Variants in AGAP1 observed in about 807,000 individuals in gnomAD.
The protein encoded by AGAP1 is ArfGAP with GTPase domain, ankyrin repeat and PH domain 1, also known as arf-GAP with GTPase, ANK repeat and PH domain-containing protein 1.
Under a neutral mutation model 105.3 loss-of-function variants are expected in AGAP1, and 29 were observed. That is an observed-to-expected ratio of 0.28 (90% CI 0.21 to 0.38). AGAP1 has a LOEUF of 0.38. Ranked by LOEUF, AGAP1 falls within the 10% of genes least tolerant of loss-of-function variation. AGAP1 has a pLI of 1.00. For synonymous variants in AGAP1, 509 were observed against 485.9 expected, an observed-to-expected ratio of 1.05 and a Z score of -0.63; for missense variants, 998 against 1,165.1, an observed-to-expected ratio of 0.86 and a Z score of 2.09.
chr2:235,711,633 C>A (rs535407061), intron 2 of AGAP1, among the ~76,000 whole-genome samples: 2 of 152,294 alleles, frequency 1.3e-5, no homozygotes, highest in East Asian at 3.9e-4. Flanking sequence ...GGCAGGCCCA[C>A]CAGCTCTGCT....
intron 1 of AGAP1, among the ~76,000 whole-genome samples, chr2:235,650,199 A>G (rs560913326): frequency 6.6e-6 from 1 of 152,262 alleles, no homozygotes; most frequent in East Asian, 1.9e-4. Flanking sequence ...CGTCTCTACT[A>G]AAAATACAAA....
chr2:235,857,890 G>T (rs1286527520), intron 9 of AGAP1, among the ~76,000 whole-genome samples: 1 of 152,224 alleles, frequency 6.6e-6, no homozygotes, highest in Admixed American at 6.5e-5. Context: ...CCTGTGCCAT[G>T]TTTTTTGCCA....
rs187973573 is a variant in AGAP1, at chr2:235,556,654, A to G, written c.163+61805A>G. Among the ~76,000 whole-genome samples, 56 of 152,370 alleles carry G rather than the reference A, an allele frequency of 3.7e-4. No homozygotes were observed. The highest frequency in any genetic ancestry group is 1.3e-3 in the African/African-American group (54 of 41,596). ...TCTCTCCCCTATGTGCAAGTAAATA[A>G]CATGCTACTATATGTAAATTAACAC... On this transcript the variant is annotated intron_variant, in intron 1 of 17. Transcript: ENST00000304032. The surrounding 1 kb of genome is among the most constrained non-coding windows in gnomAD (Gnocchi z 5.3).
At chr2:235,748,055 TAAAC>T (rs966227006) in intron 5 of AGAP1, among the ~76,000 whole-genome samples, 2 of 152,274 alleles carry the variant, frequency 1.3e-5, no homozygotes, top group African/African-American at 4.8e-5. Context: ...TAATGTTTGT[TAAAC>T]AAGTTCTGTT....
intron 1 of AGAP1, among the ~76,000 whole-genome samples, chr2:235,654,954 T>A (rs1394985703): frequency 6.6e-6 from 1 of 152,222 alleles, no homozygotes; most frequent in Non-Finnish European, 1.5e-5. Context: ...TGATTTGCAT[T>A]CATATCAGAA....
At chr2:235,917,489 C>T (rs776948667) in intron 11 of AGAP1, among the ~76,000 whole-genome samples, 20 of 152,024 alleles carry the variant, frequency 1.3e-4, no homozygotes, top group Non-Finnish European at 2.5e-4. Flanking sequence ...TCCCTCTCTC[C>T]CTCTCTTTTT....
At position 236,005,286 on chromosome 2, in the gene AGAP1, C is replaced by T. The variant is rs1210940351; in HGVS notation, c.1646-31275C>T. Among the ~76,000 whole-genome samples, 2 of 152,098 alleles carry T rather than the reference C, an allele frequency of 1.3e-5. No homozygotes were observed. The highest frequency in any genetic ancestry group is 2.4e-5 in the African/African-American group (1 of 41,408). On this transcript the variant is annotated intron_variant, in intron 13 of 17. Coordinates refer to ENST00000304032, the MANE Select transcript of AGAP1 (RefSeq NM_001037131.3). This position sits in a 1 kb window ranked among gnomAD's most constrained non-coding sequence, Gnocchi z 4.1. The stretch of plus-strand genomic sequence containing the variant: ...TCAGCCTCCCAAATAGCTGGGACTA[C>T]AGGAGTGTGCCACCGGCTAATTTTT...
chr2:235,973,726 A>G lies in AGAP1; in HGVS notation c.1645+5103A>G, dbSNP rs2054747371. 6.6e-6 allele frequency among the ~76,000 whole-genome samples: 1 copy of G among 152,142 alleles called. No individual in the cohort carries two copies. The highest frequency in any genetic ancestry group is 1.5e-5 in the Non-Finnish European group (1 of 68,022). On this transcript the variant is annotated intron_variant, in intron 13 of 17. Coordinates refer to ENST00000304032, the MANE Select transcript of AGAP1 (RefSeq NM_001037131.3). The surrounding 1 kb of genome is among the most constrained non-coding windows in gnomAD (Gnocchi z 4.7). ...AGGTGGATTTTGATTCTGATATTAA[A>G]AGCTCTAGAAAAAGCTCTACGAACC...
rs3768966 is a variant in AGAP1, at chr2:235,719,626, C to T, written c.310+1982C>T. Among the ~76,000 whole-genome samples the T allele has an allele frequency of 4.3e-3, 654 of 152,298 alleles. 6 individuals carry two copies. Among genetic ancestry groups the T allele is most frequent in the African/African-American group, 0.015 (616 of 41,566 alleles). ...TAAGAGTAGGAGCGTGGGTGAGTAC[C>T]TTCCTTTCTTCATCTGCAAAGTGGA... On this transcript the variant is annotated intron_variant, in intron 3 of 17. Transcript: ENST00000304032. The surrounding 1 kb of genome is among the most constrained non-coding windows in gnomAD (Gnocchi z 4.9).
At position 235,599,701 on chromosome 2, in the gene AGAP1, C is replaced by T. The variant is rs550576449; in HGVS notation, c.163+104852C>T. 2.0e-5 allele frequency among the ~76,000 whole-genome samples: 3 copies of T among 152,236 alleles called. No homozygotes were observed. Among genetic ancestry groups the T allele is most frequent in the Non-Finnish European group, 4.4e-5 (3 of 68,012 alleles). On this transcript the variant is annotated intron_variant, in intron 1 of 17. Coordinates refer to ENST00000304032, the MANE Select transcript of AGAP1 (RefSeq NM_001037131.3). The surrounding 1 kb of genome is among the most constrained non-coding windows in gnomAD (Gnocchi z 5.3). ...GCAGTCCACTTGCCCAGCGTCACTT[C>T]CTCCAGTGCCCTTTCTGGGTCCCAC...
chr2:236,084,924 G>C (rs1023104559), intron 16 of AGAP1, among the ~76,000 whole-genome samples: 3 of 147,454 alleles, frequency 2.0e-5, no homozygotes, highest in Non-Finnish European at 3.0e-5. Context: ...AATAAAATAA[G>C]ATTTTTTAGG....
chr2:236,031,077 G>A (rs967729742), intron 13 of AGAP1, among the ~76,000 whole-genome samples: 1 of 152,150 alleles, frequency 6.6e-6, no homozygotes, highest in Admixed American at 6.5e-5. Context: ...TTTGATATGA[G>A]GACAAAGTTT....
At chr2:235,708,087 C>CGGT (rs10677142) in intron 1 of AGAP1, among the ~76,000 whole-genome samples, 11,600 of 152,250 alleles carry the variant, frequency 0.076, 1,438 homozygotes, top group African/African-American at 0.26. Context: ...TGCATCCATG[C>CGGT]GGTCCTCATA....
chr2:235,805,702 A>G (rs1957802634), intron 8 of AGAP1, among the ~76,000 whole-genome samples: 2 of 152,240 alleles, frequency 1.3e-5, no homozygotes, highest in South Asian at 4.1e-4. Context: ...AGAATTAATT[A>G]AAAAGAAAAA....
rs548618625 is a variant in AGAP1 at position 236,000,191 on chromosome 2, A to G, written c.1645+31568A>G. On this transcript the variant is annotated intron_variant, in intron 13 of 17. Coordinates refer to ENST00000304032, the MANE Select transcript of AGAP1 (RefSeq NM_001037131.3). This position sits in a 1 kb window ranked among gnomAD's most constrained non-coding sequence, Gnocchi z 4.3. ...TTACGTTGTTATTTTTGTCTTTCCA[A>G]TTACACTAACTCCTCACTCAATGTC... is the stretch of plus-strand genomic sequence containing the variant. 3.9e-5 allele frequency among the ~76,000 whole-genome samples: 6 copies of G among 152,254 alleles called. No individual in the cohort carries two copies. The South Asian group carries it at 1.0e-3, about 26-fold the overall frequency.
intron 1 of AGAP1, among the ~76,000 whole-genome samples, chr2:235,576,951 C>G (rs1484749947): frequency 6.6e-6 from 1 of 152,238 alleles, no homozygotes; most frequent in Non-Finnish European, 1.5e-5. Flanking sequence ...CAGCCTCTCT[C>G]TGGCCAGTTC....
chr2:236,048,824 G>A (rs181406273), intron 15 of AGAP1, among the ~76,000 whole-genome samples: 30 of 152,312 alleles, frequency 2.0e-4, no homozygotes, highest in East Asian at 1.9e-3. Flanking sequence ...TTTATTGTGC[G>A]GGAAATTCCA....
At chr2:235,796,959 T>C (rs1256914675) in intron 6 of AGAP1, among the ~76,000 whole-genome samples, 2 of 152,220 alleles carry the variant, frequency 1.3e-5, no homozygotes, top group Non-Finnish European at 2.9e-5. Flanking sequence ...AGCGAGCCTA[T>C]TTGCCAAGAG....
intron 9 of AGAP1, among the ~76,000 whole-genome samples, chr2:235,876,922 A>G (rs1214961842): frequency 2.7e-5 from 4 of 146,112 alleles, no homozygotes; most frequent in Admixed American, 7.1e-5. Context: ...ATCTTGGCTC[A>G]CTGCAACCTC....
Sources: allele counts gnomAD v4.1 joint callset (sites outside exome capture counted in the v4.1 genomes callset), GRCh38; gene constraint gnomAD v4.1.1; non-coding constraint Gnocchi (gnomAD v3.1); transcripts MANE v1.5; gene names NCBI Gene and HGNC (gene_info 2026-07-23, HGNC 2026-07-21).